The following MEF2A variants were observed in gnomAD, a reference collection of about 807,000 sequenced individuals.
MEF2A encodes the protein myocyte enhancer factor 2A.
MEF2A carries 28 observed loss-of-function variants against 55.8 expected under a neutral mutation model. The ratio of observed to expected loss-of-function variants is 0.50; its 90% CI spans 0.37 to 0.69. The LOEUF is 0.69. Ranked by LOEUF, MEF2A falls within the 30% of genes least tolerant of loss-of-function variation. The pLI is 0.00. For synonymous variants in MEF2A, 239 were observed against 227.1 expected (o/e 1.05, Z -0.47); for missense variants, 528 against 626.2 (o/e 0.84, Z 1.67).
intron 1 of MEF2A, among the ~76,000 whole-genome samples, chr15:99,591,988 T>G (rs552134794): frequency 6.6e-6 from 1 of 152,330 alleles, no homozygotes; most frequent in South Asian, 2.1e-4. Context: ...ACACATTTCT[T>G]CATTTTCTTA....
chr15:99,642,025 TG>T (rs2045088748), intron 3 of MEF2A, among the ~76,000 whole-genome samples: 1 of 152,244 alleles, frequency 6.6e-6, no homozygotes, highest in South Asian at 2.1e-4. Flanking sequence ...TTGGTTTTTT[TG>T]CCCCTAACAA....
chr15:99,591,772 A>T (rs1451118372), intron 1 of MEF2A, among the ~76,000 whole-genome samples: 1 of 151,956 alleles, frequency 6.6e-6, no homozygotes, highest in Non-Finnish European at 1.5e-5. Flanking sequence ...TCTACTGTTA[A>T]TTCCATCCAG....
intron 2 of MEF2A, among the ~76,000 whole-genome samples, chr15:99,599,810 AT>A (rs1334100551): frequency 6.6e-6 from 1 of 152,044 alleles, no homozygotes; most frequent in African/African-American, 2.4e-5. Flanking sequence ...TAGGTTCCTC[AT>A]CTGTGGATCA....
At chr15:99,577,596 A>G (rs1344309441) in intron 1 of MEF2A, among the ~76,000 whole-genome samples, 1 of 152,248 alleles carries the variant, frequency 6.6e-6, no homozygotes, top group African/African-American at 2.4e-5. Flanking sequence ...CAAAACCAGG[A>G]AAGTAATACT....
At chr15:99,642,689 G>A (rs1383258791) in intron 3 of MEF2A, among the ~76,000 whole-genome samples, 1 of 152,030 alleles carries the variant, frequency 6.6e-6, no homozygotes, top group African/African-American at 2.4e-5. Flanking sequence ...ACCTTCCCTG[G>A]CATTCTACAT....
At chr15:99,688,476 G>A (rs971751328) in intron 7 of MEF2A, among the ~76,000 whole-genome samples, 1 of 152,144 alleles carries the variant, frequency 6.6e-6, no homozygotes, top group African/African-American at 2.4e-5. Flanking sequence ...ATAAAATGCT[G>A]GCCGGACACG....
At chr15:99,639,518 A>G (rs2044505572) in intron 3 of MEF2A, among the ~76,000 whole-genome samples, 1 of 152,170 alleles carries the variant, frequency 6.6e-6, no homozygotes, top group Admixed American at 6.5e-5. Flanking sequence ...TTTTACTGTT[A>G]TAAATGGTGT....
intron 5 of MEF2A, among the ~76,000 whole-genome samples, chr15:99,673,658 A>G (rs919282852): frequency 2.0e-5 from 3 of 152,302 alleles, no homozygotes; most frequent in East Asian, 1.9e-4. Context: ...GAAAATAGAA[A>G]AAAGGGGATA....
chr15:99,626,166 T>C (rs1237442350), intron 2 of MEF2A, among the ~76,000 whole-genome samples: 2 of 152,178 alleles, frequency 1.3e-5, no homozygotes, highest in Non-Finnish European at 2.9e-5. Context: ...TTTGTTTCTT[T>C]GCAATTCAGT....
intron 7 of MEF2A, among the ~76,000 whole-genome samples, chr15:99,682,896 AT>A (rs1461295543): frequency 2.0e-5 from 3 of 152,364 alleles, no homozygotes; most frequent in Middle Eastern, 6.8e-3. Context: ...GTAAAGAAGA[AT>A]CTTCTAAATA....
In MEF2A at chr15:99,715,142, C is replaced by T. The variant is rs2059032782; in HGVS notation, c.*2371C>T. 1 of 152,250 alleles carries T rather than the reference C, an allele frequency of 6.6e-6. No homozygotes were observed. The highest frequency in any genetic ancestry group is 1.5e-5 in the Non-Finnish European group (1 of 68,050). 9.4% of individuals were successfully genotyped at this position (152,250 alleles called of 1,614,324 possible). ...AAGGCCACACCTAATCCAAACAAGA[C>T]AGTCTCCCAACACTGAAGTTCCAAA... is the stretch of plus-strand genomic sequence containing the variant. On this transcript the variant is annotated 3_prime_UTR_variant, in exon 12 of 12. Transcript: ENST00000557942.
intron 7 of MEF2A, among the ~76,000 whole-genome samples, chr15:99,677,175 T>G (rs1255788426): frequency 6.6e-6 from 1 of 152,024 alleles, no homozygotes; most frequent in Non-Finnish European, 1.5e-5. Context: ...CAGACCTTAT[T>G]ATTTCTAACT....
intron 2 of MEF2A, among the ~76,000 whole-genome samples, chr15:99,611,720 C>T (rs946363169): frequency 2.6e-5 from 4 of 152,132 alleles, no homozygotes; most frequent in African/African-American, 4.8e-5. Context: ...ACTTGTACAC[C>T]GTTATTCATA....
chr15:99,622,936 A>G (rs534005913), intron 2 of MEF2A, among the ~76,000 whole-genome samples: 6 of 151,888 alleles, frequency 4.0e-5, no homozygotes, highest in Admixed American at 1.3e-4. Context: ...TCCTGACCTC[A>G]TGATCCACCC....
chr15:99,706,691 C>T (rs779210955), intron 9 of MEF2A, 38 bp from the exon 10 acceptor site: 151 of 1,602,844 alleles, frequency 9.4e-5, no homozygotes, highest in Non-Finnish European at 1.2e-4. Context: ...AACATAAATA[C>T]CACATCAGAA....
chr15:99,592,820 T>A (rs1969799917), intron 1 of MEF2A, among the ~76,000 whole-genome samples: 1 of 152,028 alleles, frequency 6.6e-6, no homozygotes, highest in Non-Finnish European at 1.5e-5. Context: ...CCCAAACACC[T>A]CTCACCAAGT....
chr15:99,612,900 T>C (rs762987830), intron 2 of MEF2A, among the ~76,000 whole-genome samples: 23 of 152,088 alleles, frequency 1.5e-4, no homozygotes, highest in Middle Eastern at 3.4e-3. Flanking sequence ...CTTCTCATAT[T>C]CTTCTTTAGC....
At chr15:99,586,758 T>A (rs1967425804) in intron 1 of MEF2A, among the ~76,000 whole-genome samples, 1 of 152,178 alleles carries the variant, frequency 6.6e-6, no homozygotes, top group Admixed American at 6.5e-5. Flanking sequence ...GATTTTTGTC[T>A]CAAACTATAA....
chr15:99,580,345 G>T (rs1160202358), intron 1 of MEF2A, among the ~76,000 whole-genome samples: 4 of 152,092 alleles, frequency 2.6e-5, no homozygotes, highest in Admixed American at 2.6e-4. Flanking sequence ...TTTTCACATG[G>T]TTTAGGGATA....
Sources: gnomAD v4.1 joint callset for allele counts (sites outside exome capture counted in the v4.1 genomes callset) on GRCh38, gnomAD v4.1.1 for gene constraint, MANE v1.5 for transcripts, NCBI Gene and HGNC (gene_info 2026-07-23, HGNC 2026-07-21) for gene names.